Variants in MYO9A observed in about 807,000 individuals in gnomAD.
The protein encoded by MYO9A is unconventional myosin-IXa.
In MYO9A, 103 loss-of-function variants were observed where a neutral mutation model predicts 293.3. The ratio of observed to expected loss-of-function variants is 0.35; its 90% CI spans 0.30 to 0.41. MYO9A has a LOEUF of 0.41. Among genes scored for constraint, MYO9A ranks in the 10% least tolerant of loss-of-function variants. MYO9A has a pLI of 1.00. For missense variants in MYO9A, 2,685 were observed against 3,033.0 expected, an observed-to-expected ratio of 0.89 and a Z score of 2.69; for synonymous variants, 1,001 against 1,035.7, an observed-to-expected ratio of 0.97 and a Z score of 0.64.
intron 9 of MYO9A, among the ~76,000 whole-genome samples, chr15:71,999,331 G>A (rs1241472310): frequency 6.6e-6 from 1 of 151,964 alleles, no homozygotes; most frequent in Non-Finnish European, 1.5e-5. Context: ...TATACAGATG[G>A]TATTTAAAGT....
At chr15:71,936,106 A>G (rs978962134) in intron 16 of MYO9A, among the ~76,000 whole-genome samples, 1 of 152,294 alleles carries the variant, frequency 6.6e-6, no homozygotes, top group African/African-American at 2.4e-5. Context: ...AATGTGGTAT[A>G]TACATACAAT....
intron 34 of MYO9A, among the ~76,000 whole-genome samples, chr15:71,858,053 T>C (rs1272748312): frequency 2.0e-5 from 3 of 152,296 alleles, no homozygotes; most frequent in African/African-American, 7.2e-5. Context: ...AAAACCACAA[T>C]GAGATACCAT....
chr15:72,028,867 T>C (rs1239840949), intron 3 of MYO9A, among the ~76,000 whole-genome samples: 2 of 152,196 alleles, frequency 1.3e-5, no homozygotes, highest in African/African-American at 2.4e-5. Context: ...TAGTTATTTA[T>C]TGGGCACTAT....
In MYO9A at chr15:71,925,366, C is replaced by G. The variant is rs538408760; in HGVS notation, c.2562+8304G>C. Among the ~76,000 whole-genome samples the G allele has an allele frequency of 6.7e-5, 10 of 149,320 alleles. No homozygotes were observed. In the East Asian group the frequency reaches 1.4e-3, roughly 20 times the overall value. ...ACATATATACTTACATGTATATATA[C>G]ATATATACGTATATACGTGTATATG... On this transcript the variant is annotated intron_variant, in intron 18 of 41. Coordinates refer to ENST00000356056, the MANE Select transcript of MYO9A (RefSeq NM_006901.4).
chr15:71,825,998 T>G lies in MYO9A; in HGVS notation c.*582A>C, dbSNP rs886878629. ...GAAACAATCACGGTTTTTTTTTGTT[T>G]TTTTTTTTTTGTTTTTTTTTTTTGT... On this transcript the variant is annotated 3_prime_UTR_variant, in exon 42 of 42. Transcript: ENST00000356056. The G allele has an allele frequency of 2.5e-5, 3 of 120,416 alleles. No homozygotes were observed. The highest frequency in any genetic ancestry group is 7.9e-5 in the Admixed American group (1 of 12,580). 7.5% of individuals were successfully genotyped at this position (120,416 alleles called of 1,614,324 possible). A position where few individuals can be genotyped will look rare whatever the true frequency, so the allele number is the denominator to read the frequency against.
chr15:71,953,655 G>GA (rs2059109566), intron 14 of MYO9A: 1 of 152,068 alleles, frequency 6.6e-6, no homozygotes, highest in African/African-American at 2.4e-5. Context: ...ACCATGCCTA[G>GA]ATTAGTTTCT....
intron 14 of MYO9A, among the ~76,000 whole-genome samples, chr15:71,956,355 T>TA: frequency 2.1e-5 from 1 of 47,532 alleles, no homozygotes; most frequent in South Asian, 7.2e-4. Context: ...ATATATAAAA[T>TA]ACGCCCAGCG....
intron 32 of MYO9A, among the ~76,000 whole-genome samples, chr15:71,873,091 AT>A (rs969374318): frequency 2.0e-5 from 3 of 151,030 alleles, no homozygotes; most frequent in African/African-American, 7.3e-5. Context: ...TTTTTTTTGT[AT>A]TTTTAGTAGA....
intron 1 of MYO9A, among the ~76,000 whole-genome samples, chr15:72,081,559 C>CT (rs984649162): frequency 1.8e-4 from 28 of 152,202 alleles, no homozygotes; most frequent in African/African-American, 6.7e-4. Flanking sequence ...ACTCTAAGCT[C>CT]TTTGTCAATT....
intron 15 of MYO9A, among the ~76,000 whole-genome samples, chr15:71,939,187 T>G (rs1217323113): frequency 2.0e-5 from 3 of 152,160 alleles, no homozygotes; most frequent in Non-Finnish European, 4.4e-5. Flanking sequence ...GTGACTGGAC[T>G]GAAGGCCTAG....
At chr15:72,058,014 A>T (rs748591169) in intron 1 of MYO9A, among the ~76,000 whole-genome samples, 11 of 152,200 alleles carry the variant, frequency 7.2e-5, no homozygotes, top group Non-Finnish European at 1.5e-4. Context: ...GATTTCAAAA[A>T]ATCTCACAAC....
At chr15:71,832,050 G>A (rs1288815729) in intron 39 of MYO9A, among the ~76,000 whole-genome samples, 1 of 152,210 alleles carries the variant, frequency 6.6e-6, no homozygotes, top group Non-Finnish European at 1.5e-5. Flanking sequence ...GCTGAGGCAG[G>A]CAGATCACCT....
At chr15:71,993,484 C>G (rs2076600292) in intron 10 of MYO9A, among the ~76,000 whole-genome samples, 1 of 151,992 alleles carries the variant, frequency 6.6e-6, no homozygotes, top group Admixed American at 6.6e-5. Flanking sequence ...TGAGGTGATG[C>G]AGAACTTTTA....
At chr15:72,010,314 C>T in intron 7 of MYO9A, 36 bp downstream of exon 7, 1 of 1,551,688 alleles carries the variant, frequency 6.4e-7, no homozygotes, top group South Asian at 1.1e-5. Context: ...CATGTGTTCT[C>T]TATTAGAGAT....
chr15:71,846,126 A>T (rs1649557405), intron 39 of MYO9A, among the ~76,000 whole-genome samples: 1 of 152,196 alleles, frequency 6.6e-6, no homozygotes, highest in Non-Finnish European at 1.5e-5. Context: ...TTTAGCCAGA[A>T]GATGTAACCA....
At chr15:72,077,907 C>A (rs2079421017) in intron 1 of MYO9A, among the ~76,000 whole-genome samples, 1 of 151,414 alleles carries the variant, frequency 6.6e-6, no homozygotes, top group Non-Finnish European at 1.5e-5. Context: ...ATACAGACAA[C>A]AAATAACTAA....
intron 1 of MYO9A, among the ~76,000 whole-genome samples, chr15:72,083,615 CT>C: frequency 6.6e-6 from 1 of 152,236 alleles, no homozygotes; most frequent in African/African-American, 2.4e-5. Flanking sequence ...AAATTGAGAT[CT>C]TTTTAACTTT....
At position 71,898,625 on chromosome 15, in the gene MYO9A, C is replaced by G. The variant is rs183156147; in HGVS notation, c.3878G>C (p.Arg1293Pro). ...TGAAGGAGAAATACCACCAAGAGAA[C>G]GAACTTTCAGCAATTCTAAGCTAAA... is the stretch of plus-strand genomic sequence containing the variant. The part of the protein sequence containing the change: ...AIFSLELLKV[R>P]SLGGISPSED... The change falls in exon 25 of 42, where the codon CGT becomes CCT. Residue 1293 changes from arginine (R) to proline (P), a missense_variant. Arg to Pro is a moderately radical substitution (Grantham distance 103). This residue lies in a region of MYO9A where 1,434 missense variants were observed against 1,497.7 expected (regional missense o/e 0.96). Transcript: ENST00000356056. The G allele has an allele frequency of 6.2e-7, 1 of 1,614,004 alleles. No individual in the cohort carries two copies. Among genetic ancestry groups the G allele is most frequent in the Non-Finnish European group, 8.5e-7 (1 of 1,180,016 alleles).
intron 4 of MYO9A, among the ~76,000 whole-genome samples, chr15:72,024,946 A>G (rs1241288637): frequency 2.0e-5 from 3 of 152,336 alleles, no homozygotes; most frequent in African/African-American, 4.8e-5. Context: ...CATATGGAGA[A>G]CAAACAGCAA....
Sources: allele counts gnomAD v4.1 joint callset (sites outside exome capture counted in the v4.1 genomes callset), GRCh38; gene constraint gnomAD v4.1.1; regional missense constraint gnomAD v4.1.1; transcripts MANE v1.5; gene names NCBI Gene and HGNC (gene_info 2026-07-23, HGNC 2026-07-21).